The following FGF12 variants were observed in gnomAD, a reference collection of about 807,000 sequenced individuals.
FGF12 encodes the protein fibroblast growth factor 12.
FGF12 carries 14 observed loss-of-function variants against 23.6 expected under a neutral mutation model. That is an observed-to-expected ratio of 0.59 (90% confidence interval 0.39 to 0.93). FGF12 has a LOEUF of 0.93. Among genes scored for constraint, FGF12 ranks in the 40% least tolerant of loss-of-function variants. FGF12 has a pLI of 0.00. For synonymous variants in FGF12, 62 were observed against 77.3 expected (o/e 0.80, Z 1.04); for missense variants, 175 against 217.8 (o/e 0.80, Z 1.24).
At chr3:192,644,935 AT>A (rs1715946808) in intron 2 of FGF12, among the ~76,000 whole-genome samples, 1 of 152,172 alleles carries the variant, frequency 6.6e-6, no homozygotes, top group Non-Finnish European at 1.5e-5. Context: ...AATATATGAC[AT>A]TTGGGCAGAA....
At chr3:192,468,840 C>T (rs561737786) in intron 2 of FGF12, among the ~76,000 whole-genome samples, 98 of 152,264 alleles carry the variant, frequency 6.4e-4, no homozygotes, top group African/African-American at 2.0e-3. Flanking sequence ...GTGGGGTTTG[C>T]GGAACAGTGA....
chr3:192,416,267 A>G (rs1438032734), intron 2 of FGF12, among the ~76,000 whole-genome samples: 1 of 152,126 alleles, frequency 6.6e-6, no homozygotes, highest in African/African-American at 2.4e-5. Flanking sequence ...GGAAGTTTGG[A>G]CAAGGTGACC....
At chr3:192,525,292 AAATAAT>A (rs1162294173) in intron 2 of FGF12, among the ~76,000 whole-genome samples, 2 of 152,204 alleles carry the variant, frequency 1.3e-5, no homozygotes, top group African/African-American at 4.8e-5. Flanking sequence ...TATTTCAAAA[AAATAAT>A]AATAATAACT....
intron 4 of FGF12, among the ~76,000 whole-genome samples, chr3:192,272,059 G>C (rs1413879429): frequency 6.6e-6 from 1 of 152,154 alleles, no homozygotes; most frequent in African/African-American, 2.4e-5. Context: ...TCCTCCAAGT[G>C]ATATTAGGAA....
At chr3:192,440,550 C>T (rs1331210684) in intron 2 of FGF12, among the ~76,000 whole-genome samples, 1 of 152,174 alleles carries the variant, frequency 6.6e-6, no homozygotes, top group Non-Finnish European at 1.5e-5. Context: ...GCAATAAAAT[C>T]ATACATTTGA....
chr3:192,694,754 T>C (rs940659258), intron 2 of FGF12, among the ~76,000 whole-genome samples: 4 of 152,206 alleles, frequency 2.6e-5, no homozygotes, highest in Middle Eastern at 3.4e-3. Context: ...GAGAACATTA[T>C]GCTAAGTGAA....
intron 4 of FGF12, among the ~76,000 whole-genome samples, chr3:192,281,021 T>G (rs1479337799): frequency 6.6e-6 from 1 of 152,158 alleles, no homozygotes; most frequent in Admixed American, 6.6e-5. Flanking sequence ...CCTCAGAAAT[T>G]TGTGGTGCAG....
intron 2 of FGF12, among the ~76,000 whole-genome samples, chr3:192,671,028 T>C (rs2108694076): frequency 6.6e-6 from 1 of 152,338 alleles, no homozygotes; most frequent in South Asian, 2.1e-4. Context: ...CTATCTTATT[T>C]GTCAGATTTC....
intron 3 of FGF12, among the ~76,000 whole-genome samples, chr3:192,357,328 AAAAAT>A (rs1718517573): frequency 6.8e-6 from 1 of 146,746 alleles, no homozygotes; most frequent in Admixed American, 7.1e-5. Context: ...CTAAAAATAC[AAAAAT>A]TAGCTGGGTG....
At chr3:192,603,632 C>G (rs920013217) in intron 2 of FGF12, among the ~76,000 whole-genome samples, 3 of 151,970 alleles carry the variant, frequency 2.0e-5, no homozygotes, top group Non-Finnish European at 4.4e-5. Context: ...CCACCTGAGC[C>G]TCAAAACCAG....
chr3:192,285,012 C>T (rs1402842119), intron 4 of FGF12, among the ~76,000 whole-genome samples: 2 of 152,050 alleles, frequency 1.3e-5, no homozygotes, highest in Non-Finnish European at 2.9e-5. Context: ...CAAGTACAGA[C>T]ATAGCCTTTA....
intron 2 of FGF12, among the ~76,000 whole-genome samples, chr3:192,555,604 G>A (rs1420021742): frequency 2.1e-5 from 3 of 141,126 alleles, no homozygotes; most frequent in Non-Finnish European, 4.5e-5. Flanking sequence ...CCAACATAGC[G>A]AGACCCTGTC....
At chr3:192,437,690 C>CA (rs1339401165) in intron 2 of FGF12, among the ~76,000 whole-genome samples, 1 of 149,598 alleles carries the variant, frequency 6.7e-6, no homozygotes, top group Non-Finnish European at 1.5e-5. Flanking sequence ...GACTCCATCT[C>CA]AAAAAACAAC....
intron 2 of FGF12, among the ~76,000 whole-genome samples, chr3:192,613,903 C>T (rs1401466230): frequency 6.6e-6 from 1 of 151,752 alleles, no homozygotes; most frequent in Non-Finnish European, 1.5e-5. Flanking sequence ...AAGGCCATTA[C>T]ACAAAGGAAT....
At chr3:192,650,672 T>C (rs1716183432) in intron 2 of FGF12, among the ~76,000 whole-genome samples, 1 of 152,230 alleles carries the variant, frequency 6.6e-6, no homozygotes, top group African/African-American at 2.4e-5. Flanking sequence ...GCACAGTTCC[T>C]GGCACACAAA....
chr3:192,540,701 G>A (rs983333505), intron 2 of FGF12, among the ~76,000 whole-genome samples: 11 of 152,072 alleles, frequency 7.2e-5, no homozygotes, highest in South Asian at 4.1e-4. Context: ...CTAATTTTCC[G>A]TGAGGATGAT....
At chr3:192,181,872 A>C (rs988707721) in intron 4 of FGF12, among the ~76,000 whole-genome samples, 2 of 151,488 alleles carry the variant, frequency 1.3e-5, no homozygotes, top group African/African-American at 4.8e-5. Context: ...ATCAACCCAC[A>C]GTGCTGGGAT....
intron 4 of FGF12, among the ~76,000 whole-genome samples, chr3:192,179,829 A>G (rs567321386): frequency 6.6e-6 from 1 of 151,906 alleles, no homozygotes; most frequent in South Asian, 2.1e-4. Flanking sequence ...TACAACCATG[A>G]GCCATTGCAT....
chr3:192,343,385 T>C (rs1717793285), intron 3 of FGF12, among the ~76,000 whole-genome samples: 1 of 152,136 alleles, frequency 6.6e-6, no homozygotes, highest in Non-Finnish European at 1.5e-5. Flanking sequence ...CTACAAAATC[T>C]TAAATAAAAA....
Sources: gnomAD v4.1 joint callset for allele counts (sites outside exome capture counted in the v4.1 genomes callset) on GRCh38, gnomAD v4.1.1 for gene constraint, MANE v1.5 for transcripts, NCBI Gene and HGNC (gene_info 2026-07-23, HGNC 2026-07-21) for gene names.